SWT1: variants seen among roughly 807,000 people sequenced by gnomAD.
SWT1 encodes SWT1 RNA endoribonuclease homolog, also known as transcriptional protein SWT1.
Under a neutral mutation model 107.3 loss-of-function variants are expected in SWT1, and 33 were observed. The observed-to-expected ratio is 0.31, with a 90% CI of 0.23 to 0.41. The LOEUF is 0.41. SWT1 is among the 10% of genes least tolerant of loss of function. The pLI, the probability that SWT1 is intolerant of heterozygous loss-of-function variation, is 1.00. For missense variants in SWT1, 898 were observed against 1,028.9 expected (o/e 0.87, Z 1.74); for synonymous variants, 345 against 348.3 (o/e 0.99, Z 0.11).
chr1:185,198,048 C>A lies in SWT1; in HGVS notation c.1524-4606C>A, dbSNP rs560846802. On this transcript the variant is annotated intron_variant, in intron 10 of 18. Transcript: ENST00000367500. Reference sequence around the variant, plus strand: ...TGATGTTAGGGTGTCAATTTTAGATCTTTCCTGCTTTCTCTTGTGTGCTTT... The same window carrying A: ...TGATGTTAGGGTGTCAATTTTAGATATTTCCTGCTTTCTCTTGTGTGCTTT... Among the ~76,000 whole-genome samples, 6 of 152,266 alleles carry A rather than the reference C, an allele frequency of 3.9e-5. No homozygotes were observed. In the East Asian group the frequency reaches 1.2e-3, roughly 29 times the overall value.
chr1:185,242,225 T>C (rs1353050110), intron 16 of SWT1, among the ~76,000 whole-genome samples: 2 of 152,170 alleles, frequency 1.3e-5, no homozygotes, highest in Non-Finnish European at 2.9e-5. Context: ...AGTTAATGTG[T>C]ATATCAAATT....
intron 16 of SWT1, among the ~76,000 whole-genome samples, chr1:185,255,268 T>C (rs1662397751): frequency 6.6e-6 from 1 of 150,594 alleles, no homozygotes; most frequent in Middle Eastern, 3.4e-3. Context: ...TGATTTGGGG[T>C]GGAGAGTTCT....
At chr1:185,163,066 G>A (rs144260733) in intron 2 of SWT1, among the ~76,000 whole-genome samples, 1 of 152,260 alleles carries the variant, frequency 6.6e-6, no homozygotes, top group African/African-American at 2.4e-5. Context: ...GGGACTTGCC[G>A]TGATGTTGAT....
At chr1:185,271,522 A>G (rs976368176) in intron 17 of SWT1, 133 bp downstream of exon 17, 15 of 577,334 alleles carry the variant, frequency 2.6e-5, no homozygotes, top group South Asian at 6.7e-5. Flanking sequence ...ATTGAATGCC[A>G]TAAAAGTTTG....
intron 18 of SWT1, among the ~76,000 whole-genome samples, chr1:185,276,869 G>A (rs1380085747): frequency 6.6e-6 from 1 of 151,878 alleles, no homozygotes; most frequent in Non-Finnish European, 1.5e-5. Context: ...GGTTTAAAGT[G>A]GTTCTCCAAT....
At chr1:185,189,282 C>A (rs1312189553) in intron 9 of SWT1, among the ~76,000 whole-genome samples, 1 of 152,084 alleles carries the variant, frequency 6.6e-6, no homozygotes. Flanking sequence ...ACCCACCTGG[C>A]CTGCATTAAT....
intron 17 of SWT1, among the ~76,000 whole-genome samples, chr1:185,271,702 A>G (rs1019308881): frequency 3.3e-5 from 5 of 152,184 alleles, no homozygotes; most frequent in Admixed American, 3.3e-4. Context: ...AGCAACTAAA[A>G]TGTACTCTTT....
intron 5 of SWT1, 89 bp downstream of exon 5, chr1:185,175,202 G>GTTTTTTTTTT (rs377403489): frequency 1.5e-6 from 1 of 647,834 alleles, no homozygotes. Context: ...ATTTTTTTCT[G>GTTTTTTTTTT]TTTTTTTTTT....
At chr1:185,265,351 A>T (rs72724125) in intron 16 of SWT1, among the ~76,000 whole-genome samples, 1,563 of 152,324 alleles carry the variant, frequency 0.01, 13 homozygotes, top group South Asian at 0.017. Context: ...GATTTTCCAA[A>T]TTAACTATAG....
chr1:185,253,783 C>G (rs1662249526), intron 16 of SWT1, among the ~76,000 whole-genome samples: 1 of 151,688 alleles, frequency 6.6e-6, no homozygotes, highest in African/African-American at 2.4e-5. Context: ...CTTCTCCTGC[C>G]TAATTGCCCT....
At chr1:185,159,173 G>A (rs144374168) in intron 1 of SWT1, among the ~76,000 whole-genome samples, 78 of 152,280 alleles carry the variant, frequency 5.1e-4, no homozygotes, top group African/African-American at 1.8e-3. Context: ...ATATCTTATT[G>A]ATTACACAGG....
At chr1:185,255,413 C>G (rs1662411414) in intron 16 of SWT1, among the ~76,000 whole-genome samples, 3 of 138,234 alleles carry the variant, frequency 2.2e-5, no homozygotes, top group African/African-American at 9.1e-5. Context: ...GTGTGGGAGT[C>G]TAAGTCTCTT....
At chr1:185,202,455 T>A (rs1033079591) in intron 10 of SWT1, among the ~76,000 whole-genome samples, 199 bp from the exon 11 acceptor site, 1 of 150,502 alleles carries the variant, frequency 6.6e-6, no homozygotes, top group Non-Finnish European at 1.5e-5. Flanking sequence ...TTAAATAGAT[T>A]TATATATATA....
In SWT1 at chr1:185,249,582, T is replaced by C. The variant is rs565410486; in HGVS notation, c.2441+17874T>C. Reference sequence around the variant, plus strand: ...GTATGGCTCCTTCAGCAGAGCTCCTTGAGTACCTACCGTTCCTCTAGATGG... The same window carrying C: ...GTATGGCTCCTTCAGCAGAGCTCCTCGAGTACCTACCGTTCCTCTAGATGG... On this transcript the variant is annotated intron_variant, in intron 16 of 18. Transcript: ENST00000367500. Among the ~76,000 whole-genome samples, 11 of 152,232 alleles carry C rather than the reference T, an allele frequency of 7.2e-5. No individual in the cohort carries two copies. In the East Asian group the frequency reaches 2.1e-3, roughly 29 times the overall value.
intron 6 of SWT1, 136 bp downstream of exon 6, chr1:185,180,586 G>T: frequency 1.5e-6 from 1 of 686,378 alleles, no homozygotes; most frequent in Non-Finnish European, 2.5e-6. Flanking sequence ...CAATATGTAA[G>T]GTTTTATGAA....
At chr1:185,226,723 C>T in intron 15 of SWT1, 1 of 488,952 alleles carries the variant, frequency 2.0e-6, no homozygotes, top group Non-Finnish European at 3.3e-6. Flanking sequence ...CTCATTTAAG[C>T]TTCTGAGACT....
intron 5 of SWT1, among the ~76,000 whole-genome samples, chr1:185,179,421 A>G (rs1275818415): frequency 2.0e-5 from 3 of 152,232 alleles, no homozygotes; most frequent in Admixed American, 6.5e-5. Flanking sequence ...AGGGTCAGGT[A>G]GGTCTCATCC....
At chr1:185,273,564 A>G (rs1277047178) in intron 17 of SWT1, among the ~76,000 whole-genome samples, 1 of 146,368 alleles carries the variant, frequency 6.8e-6, no homozygotes, top group East Asian at 2.1e-4. Context: ...TTAGCCGGGT[A>G]TGGTGGCGGA....
chr1:185,166,213 G>A (rs1013175218), intron 2 of SWT1, among the ~76,000 whole-genome samples: 1 of 152,162 alleles, frequency 6.6e-6, no homozygotes, highest in African/African-American at 2.4e-5. Context: ...GTTTGTCCTA[G>A]GTCTGTTGAA....
Sources: gnomAD v4.1 joint callset for allele counts (sites outside exome capture counted in the v4.1 genomes callset) on GRCh38, gnomAD v4.1.1 for gene constraint, MANE v1.5 for transcripts, NCBI Gene and HGNC (gene_info 2026-07-23, HGNC 2026-07-21) for gene names.